The following RIF1 variants were observed in gnomAD, a reference collection of about 807,000 sequenced individuals.
RIF1 encodes telomere-associated protein RIF1.
Under a neutral mutation model 247.1 loss-of-function variants are expected in RIF1, and 45 were observed. That is an observed-to-expected ratio of 0.18 (90% CI 0.14 to 0.23). The LOEUF (loss-of-function observed/expected upper bound fraction) is 0.23. Ranked by LOEUF, RIF1 falls within the 10% of genes least tolerant of loss-of-function variation. RIF1 has a pLI of 1.00. For synonymous variants in RIF1, 1,087 were observed against 978.8 expected (o/e 1.11, Z -2.06); for missense variants, 2,967 against 2,862.5 (o/e 1.04, Z -0.83).
chr2:151,444,523 G>A (rs755003007), intron 18 of RIF1, among the ~76,000 whole-genome samples: 3 of 152,050 alleles, frequency 2.0e-5, no homozygotes, highest in South Asian at 2.1e-4. Context: ...TTGGTCAGGC[G>A]GATCTCAAAC....
chr2:151,509,788 C>T (rs1162233709), downstream of RIF1, among the ~76,000 whole-genome samples: 1 of 152,094 alleles, frequency 6.6e-6, no homozygotes, highest in African/African-American at 2.4e-5. Context: ...CCACCACAAC[C>T]AGCTAATGAT....
chr2:151,451,258 T>C (rs1694274428), intron 20 of RIF1, among the ~76,000 whole-genome samples: 1 of 152,230 alleles, frequency 6.6e-6, no homozygotes, highest in Non-Finnish European at 1.5e-5. Context: ...ACCATTTTGT[T>C]ACAGTTGCCT....
chr2:151,501,413 A>T lies in RIF1; in HGVS notation c.*710-1621A>T, dbSNP rs200579863. 23 of 1,549,300 alleles carry T rather than the reference A, an allele frequency of 1.5e-5. No individual in the cohort carries two copies. The highest frequency in any genetic ancestry group is 1.8e-5 in the Non-Finnish European group (21 of 1,145,478). On this transcript the variant is annotated intron_variant and NMD_transcript_variant, in intron 11 of 13. Transcript: ENST00000454583. ...TACCGAGCTAAAGTTTTCTTGATTG[A>T]GTTTGACTCGCTCCATCTCAGGAGT... is the stretch of plus-strand genomic sequence containing the variant.
At position 151,468,080 on chromosome 2, in the gene RIF1, G is replaced by T; in HGVS notation, c.6681G>T (p.Arg2227Ser). The change falls in exon 31 of 36, where the codon AGG becomes AGT. Residue 2227 changes from arginine to serine, a missense_variant. Arg to Ser is a moderately radical substitution (Grantham distance 110). Coordinates refer to ENST00000444746, the MANE Select transcript of RIF1 (RefSeq NM_018151.5). ...DDIDRRCSIV[R>S]SHSSNSSPIG... is the part of the protein sequence containing the mutation. ...TTGATAGACGGTGCTCTATTGTTAG[G>T]TCCCATTCTTCCAATAGTTCTCCCA... 6.2e-7 allele frequency: 1 copy of T among 1,613,292 alleles called. No homozygotes were observed. Among genetic ancestry groups the T allele is most frequent in the Non-Finnish European group, 8.5e-7 (1 of 1,179,424 alleles).
At chr2:151,448,372 T>G (rs546584383) in intron 20 of RIF1, among the ~76,000 whole-genome samples, 14 of 152,260 alleles carry the variant, frequency 9.2e-5, no homozygotes, top group South Asian at 2.1e-4. Context: ...TGTAAAAGAT[T>G]ACAAACAACA....
intron 10 of RIF1, among the ~76,000 whole-genome samples, chr2:151,433,752 G>T (rs995507111): frequency 6.6e-6 from 1 of 152,088 alleles, no homozygotes; most frequent in African/African-American, 2.4e-5. Flanking sequence ...ACCGCGCCTG[G>T]CCCTGAAATG....
chr2:151,510,541 A>G (rs2073351327), downstream of RIF1, among the ~76,000 whole-genome samples: 1 of 152,222 alleles, frequency 6.6e-6, no homozygotes, highest in South Asian at 2.1e-4. Flanking sequence ...ACTGTAGTCA[A>G]CCTCGGTCAA....
At position 151,422,925 on chromosome 2, in the gene RIF1, G is replaced by T. The variant is rs1377523763; in HGVS notation, c.694-25G>T. On this transcript the variant is annotated intron_variant, in intron 7 of 35. Coordinates refer to ENST00000444746, the MANE Select transcript of RIF1 (RefSeq NM_018151.5). ...ATTTTTTTTTCTAAGAGTCTGTTTG[G>T]TAAATTAATTGCTTTTGTTTGCAGA... 4.0e-6 allele frequency: 5 copies of T among 1,247,932 alleles called. No individual in the cohort carries two copies. The East Asian group carries it at 7.0e-5, about 18-fold the overall frequency. The allele number at this position is 1,247,932 out of a possible 1,614,324, so 77.3% of individuals were successfully genotyped here. A position where few individuals can be genotyped will look rare whatever the true frequency, so the allele number is the denominator to read the frequency against.
chr2:151,530,214 A>G, the RIF1 span, among the ~76,000 whole-genome samples: 6 of 152,172 alleles, frequency 3.9e-5, no homozygotes, highest in African/African-American at 1.4e-4. Flanking sequence ...ATAGAACTGT[A>G]TATTGTCATT....
rs1696597292 is a variant in RIF1 at position 151,464,280 on chromosome 2, A to G, written c.4760A>G (p.Glu1587Gly). ...NESVDIQDQEEKVVKQECIKA... is the reference protein window; with the variant it reads ...NESVDIQDQEGKVVKQECIKA... ...AGTGTTGACATTCAAGATCAAGAAG[A>G]GAAAGTGGTGAAACAGGAATGTATA... is the stretch of plus-strand genomic sequence containing the variant. The change falls in exon 30 of 36, where the codon GAG (glutamate) becomes GGG (glycine). Residue 1587 changes from glutamate (E) to glycine (G), a missense_variant. Physicochemically the swap from Glu to Gly is moderately conservative, Grantham distance 98 (BLOSUM62 -2). Around this residue, in one of 7 missense-constraint regions of RIF1, gnomAD observed 2,028 missense variants for 1,825.6 expected, o/e 1.11. Transcript: ENST00000444746. The G allele has an allele frequency of 1.2e-6, 2 of 1,613,856 alleles. No homozygotes were observed. Among genetic ancestry groups the G allele is most frequent in the East Asian group, 4.5e-5 (2 of 44,874 alleles).
At chr2:151,456,330 C>G (rs903025839) in intron 22 of RIF1, among the ~76,000 whole-genome samples, 1 of 152,130 alleles carries the variant, frequency 6.6e-6, no homozygotes, top group African/African-American at 2.4e-5. Flanking sequence ...CAGAAACAAG[C>G]AGTTAATATG....
the RIF1 span, chr2:151,530,935 T>TA: frequency 8.8e-7 from 1 of 1,132,390 alleles, no homozygotes; most frequent in Non-Finnish European, 1.3e-6. Flanking sequence ...CAGGGTTTGT[T>TA]ACATCTCATT....
chr2:151,450,833 C>G (rs1293409335), intron 20 of RIF1, among the ~76,000 whole-genome samples: 1 of 152,212 alleles, frequency 6.6e-6, no homozygotes, highest in Non-Finnish European at 1.5e-5. Flanking sequence ...ATCCACCCAC[C>G]TCAGCCTCCC....
intron 9 of RIF1, among the ~76,000 whole-genome samples, 171 bp from the exon 10 acceptor site, chr2:151,432,906 G>A (rs553678365): frequency 1.4e-3 from 210 of 152,288 alleles, no homozygotes; most frequent in Non-Finnish European, 1.8e-3. Flanking sequence ...CTGTACTGTA[G>A]TTTATCAAAA....
chr2:151,464,381 A>G lies in RIF1; in HGVS notation c.4861A>G (p.Lys1621Glu). 1 of 1,610,396 alleles carries G rather than the reference A, an allele frequency of 6.2e-7. No homozygotes were observed. The highest frequency in any genetic ancestry group is 8.5e-7 in the Non-Finnish European group (1 of 1,179,028). ...AAGCATAAAATCTCCGATTTGCGAAAAACAAGATGAAAGTAATACTGTAAT... is the reference window on the plus strand; with the variant it reads ...AAGCATAAAATCTCCGATTTGCGAAGAACAAGATGAAAGTAATACTGTAAT... Reference protein sequence around the residue: ...DVSIKSPICEKQDESNTVICQ... With the variant: ...DVSIKSPICEEQDESNTVICQ... The change falls in exon 30 of 36, where the codon AAA becomes GAA. Residue 1621 changes from lysine (K) to glutamate (E), a missense_variant. By Grantham distance (56) the Lys-to-Glu change is moderately conservative. Transcript: ENST00000444746.
chr2:151,513,638 A>G, the RIF1 span: 4 of 1,610,614 alleles, frequency 2.5e-6, no homozygotes, highest in Middle Eastern at 1.7e-4. Context: ...TTCATTGGCC[A>G]TGGCATTCAG....
chr2:151,411,395 G>A, intron 3 of RIF1, 57 bp downstream of exon 3: 1 of 954,184 alleles, frequency 1.0e-6, no homozygotes, highest in Non-Finnish European at 1.6e-6. Flanking sequence ...TTTTTTTTTT[G>A]GTTTTGTTTT....
intron 18 of RIF1, among the ~76,000 whole-genome samples, chr2:151,445,135 T>C (rs553480879): frequency 1.3e-5 from 2 of 152,332 alleles, no homozygotes; most frequent in African/African-American, 4.8e-5. Context: ...CCTAATCCAG[T>C]AGGACCTCAT....
chr2:151,518,513 C>A, the RIF1 span: 1 of 783,466 alleles, frequency 1.3e-6, no homozygotes, highest in Non-Finnish European at 2.1e-6. Context: ...TACACAGCAC[C>A]ATTGTCAAGA....
Sources: allele counts gnomAD v4.1 joint callset (sites outside exome capture counted in the v4.1 genomes callset), GRCh38; gene constraint gnomAD v4.1.1; regional missense constraint gnomAD v4.1.1; transcripts MANE v1.5; gene names NCBI Gene and HGNC (gene_info 2026-07-23, HGNC 2026-07-21).